SLC30A8: variants seen among roughly 807,000 people sequenced by gnomAD.
The protein encoded by SLC30A8 is proton-coupled zinc antiporter SLC30A8.
SLC30A8 carries 27 observed loss-of-function variants against 36.9 expected under a neutral mutation model. The ratio of observed to expected loss-of-function variants is 0.73; its 90% confidence interval spans 0.54 to 1.01. The LOEUF (loss-of-function observed/expected upper bound fraction) is 1.01. SLC30A8 is among the 50% of genes least tolerant of loss of function. The probability of loss-of-function intolerance (pLI) is 0.00; values close to 1 mark genes in which losing one functional copy is unlikely to be tolerated. For missense variants in SLC30A8, 439 were observed against 452.0 expected, an observed-to-expected ratio of 0.97 and a Z score of 0.26; for synonymous variants, 164 against 172.4, an observed-to-expected ratio of 0.95 and a Z score of 0.38.
At chr8:117,131,300 C>T (rs1343908075), upstream of SLC30A8, among the ~76,000 whole-genome samples, 3 of 152,016 alleles carry the variant, frequency 2.0e-5, no homozygotes, top group African/African-American at 7.2e-5. Context: ...GATGAAACCT[C>T]TGAAATACTC....
At chr8:117,120,526 C>T (rs190366083) in intron 2 of SLC30A8, among the ~76,000 whole-genome samples, 109 of 151,928 alleles carry the variant, frequency 7.2e-4, no homozygotes, top group Admixed American at 2.0e-3. Context: ...AGGGGGAAAA[C>T]TTTACAGTAT....
chr8:116,989,515 ATTTAG>A (rs1380400178), intron 1 of SLC30A8, among the ~76,000 whole-genome samples: 4 of 152,170 alleles, frequency 2.6e-5, no homozygotes, highest in Non-Finnish European at 5.9e-5. Context: ...AAATTAAACA[ATTTAG>A]TTTACTCAAT....
intron 1 of SLC30A8, among the ~76,000 whole-genome samples, chr8:117,008,699 C>A (rs1816254519): frequency 6.6e-6 from 1 of 152,192 alleles, no homozygotes; most frequent in Admixed American, 6.5e-5. Context: ...AGAACTATAT[C>A]TATCTGTTGG....
rs530269895 is a variant in SLC30A8 at position 117,116,871 on chromosome 8, G to A, written c.-225-18409G>A. On this transcript the variant is annotated intron_variant, in intron 2 of 10. Coordinates refer to the SLC30A8 transcript ENST00000427715. ...AATGGTTTCATGTGAGTGAATGCAA[G>A]TATGAGTCAAGGTTATAGAAGGCCA... Among the ~76,000 whole-genome samples, 162 of 152,122 alleles carry A rather than the reference G, an allele frequency of 1.1e-3. 4 individuals are homozygous for A. The highest frequency in any genetic ancestry group is 3.7e-3 in the African/African-American group (155 of 41,564).
chr8:117,170,674 G>A (rs1823326888), intron 6 of SLC30A8, among the ~76,000 whole-genome samples: 1 of 152,114 alleles, frequency 6.6e-6, no homozygotes, highest in Admixed American at 6.6e-5. Context: ...TTGTCGTCAG[G>A]ATGCTAACCC....
At chr8:116,963,382 C>G (rs929660389) in intron 1 of SLC30A8, among the ~76,000 whole-genome samples, 1 of 152,010 alleles carries the variant, frequency 6.6e-6, no homozygotes, top group African/African-American at 2.4e-5. Flanking sequence ...CTACCTAGTT[C>G]CAGAACATTT....
At chr8:117,024,336 C>G (rs892497075) in intron 1 of SLC30A8, among the ~76,000 whole-genome samples, 1 of 152,216 alleles carries the variant, frequency 6.6e-6, no homozygotes, top group Admixed American at 6.5e-5. Context: ...ATTCTTTGAG[C>G]TATTACAAAT....
intron 1 of SLC30A8, among the ~76,000 whole-genome samples, chr8:117,137,893 G>A (rs141504652): frequency 6.6e-6 from 1 of 151,876 alleles, no homozygotes; most frequent in East Asian, 1.9e-4. Flanking sequence ...GATTGCATGT[G>A]CATATTGGAT....
chr8:117,116,510 G>A (rs769328504), intron 2 of SLC30A8, among the ~76,000 whole-genome samples: 2 of 152,014 alleles, frequency 1.3e-5, no homozygotes, highest in African/African-American at 2.4e-5. Context: ...TATCTTAGCT[G>A]TAAGTGTACT....
At chr8:117,007,979 T>C (rs1057176011) in intron 1 of SLC30A8, among the ~76,000 whole-genome samples, 3 of 152,176 alleles carry the variant, frequency 2.0e-5, no homozygotes, top group African/African-American at 7.2e-5. Context: ...TATATGGTAA[T>C]GGCTGTGCAA....
chr8:117,031,763 C>T (rs1238731862), intron 1 of SLC30A8, among the ~76,000 whole-genome samples: 1 of 152,126 alleles, frequency 6.6e-6, no homozygotes, highest in Non-Finnish European at 1.5e-5. Flanking sequence ...CGCACCCAGC[C>T]GAAATCTTCT....
chr8:117,061,261 C>A (rs994351096), intron 2 of SLC30A8, among the ~76,000 whole-genome samples: 1 of 152,178 alleles, frequency 6.6e-6, no homozygotes. Flanking sequence ...ATCCATCACC[C>A]ATTTGCATGC....
chr8:117,088,852 G>A (rs1363012744), intron 2 of SLC30A8, among the ~76,000 whole-genome samples: 1 of 152,202 alleles, frequency 6.6e-6, no homozygotes, highest in Non-Finnish European at 1.5e-5. Context: ...TGGTTGGTAG[G>A]TGGATCCTGA....
At chr8:116,965,591 C>G (rs886298484) in intron 1 of SLC30A8, among the ~76,000 whole-genome samples, 3 of 152,170 alleles carry the variant, frequency 2.0e-5, no homozygotes, top group Non-Finnish European at 4.4e-5. Flanking sequence ...AATTCCACAT[C>G]TTTGCAGGAT....
chr8:117,092,915 G>A (rs1819192354), intron 2 of SLC30A8, among the ~76,000 whole-genome samples: 1 of 152,084 alleles, frequency 6.6e-6, no homozygotes, highest in Non-Finnish European at 1.5e-5. Flanking sequence ...ACTTATTCTG[G>A]GGTCTTCTCT....
intron 2 of SLC30A8, among the ~76,000 whole-genome samples, chr8:117,095,900 G>C (rs2130841754): frequency 1.3e-5 from 2 of 152,286 alleles, no homozygotes; most frequent in Non-Finnish European, 2.9e-5. Context: ...ATAAAAACCT[G>C]TGATATCACA....
Position 117,161,857 on chromosome 8 carries a change from T to A in SLC30A8, c.692T>A (p.Val231Glu). ...GGAGATCTATTTCAGAGTATCAGTGTGCTAATTAGTGCACTTATTATCTAC... is the reference window on the plus strand; with the variant it reads ...GGAGATCTATTTCAGAGTATCAGTGAGCTAATTAGTGCACTTATTATCTAC... ...ALGDLFQSIS[V>E]LISALIIYFK... is the part of the protein sequence containing the mutation. The change falls in exon 5 of 8, where the codon GTG becomes GAG. Residue 231 changes from valine (V) to glutamate (E), a missense_variant. Physicochemically the swap from Val to Glu is moderately radical, Grantham distance 121. Transcript: ENST00000456015. The A allele has an allele frequency of 6.2e-7, 1 of 1,613,720 alleles. No individual in the cohort carries two copies. The highest frequency in any genetic ancestry group is 1.1e-5 in the South Asian group (1 of 91,044).
chr8:116,970,816 C>G (rs1009267505), intron 1 of SLC30A8, among the ~76,000 whole-genome samples: 8 of 151,940 alleles, frequency 5.3e-5, no homozygotes, highest in South Asian at 4.2e-4. Context: ...AAAATAAGGC[C>G]GGGGGTGGTG....
intron 4 of SLC30A8, among the ~76,000 whole-genome samples, chr8:117,159,701 A>G (rs143841415): frequency 3.5e-4 from 53 of 152,328 alleles, no homozygotes; most frequent in African/African-American, 1.2e-3. Context: ...CTACGGGTCA[A>G]TAAAGTCCGC....
Sources: gnomAD v4.1 joint callset for allele counts (sites outside exome capture counted in the v4.1 genomes callset) on GRCh38, gnomAD v4.1.1 for gene constraint, MANE v1.5 for transcripts, NCBI Gene and HGNC (gene_info 2026-07-23, HGNC 2026-07-21) for gene names.